The following CTDSPL variants were observed in gnomAD, a reference collection of about 807,000 sequenced individuals.
CTDSPL encodes CTD small phosphatase like.
In CTDSPL, 8 loss-of-function variants were observed where a neutral mutation model predicts 30.5. The observed-to-expected ratio is 0.26, with a 90% CI of 0.15 to 0.47. The LOEUF (loss-of-function observed/expected upper bound fraction) is 0.47, where lower values mean the gene tolerates loss of function less well. CTDSPL is among the 20% of genes least tolerant of loss of function. CTDSPL has a pLI of 0.99. For missense variants in CTDSPL, 248 were observed against 366.1 expected, an observed-to-expected ratio of 0.68 and a Z score of 2.63; for synonymous variants, 110 against 137.9, an observed-to-expected ratio of 0.80 and a Z score of 1.42.
At chr3:37,964,747 AG>A (rs1189733185) in intron 4 of CTDSPL, 75 bp downstream of exon 4, 10 of 1,183,500 alleles carry the variant, frequency 8.4e-6, no homozygotes, top group Non-Finnish European at 1.1e-5. Flanking sequence ...GAAAACAAAA[AG>A]GATGAAAGCT....
In CTDSPL at chr3:37,964,684, TAAAA is replaced by T. The variant is rs372561370; in HGVS notation, c.369+19_369+22del. The T allele has an allele frequency of 6.8e-7, 1 of 1,467,772 alleles. No homozygotes were observed. The highest frequency in any genetic ancestry group is 1.4e-5 in the African/African-American group (1 of 69,972). The allele number at this position is 1,467,772 out of a possible 1,614,324, so 90.9% of individuals were successfully genotyped here. The stretch of plus-strand genomic sequence containing the variant: ...ACAGTTCGTTTAAGGTAAATCAACA[TAAAA>T]AAAAAATCCATGATCTTTGTGATTT... On this transcript the variant is annotated intron_variant, in intron 4 of 7. Transcript: ENST00000273179.
At chr3:37,938,802 T>TCCA (rs1383796005) in intron 1 of CTDSPL, among the ~76,000 whole-genome samples, 1 of 149,256 alleles carries the variant, frequency 6.7e-6, no homozygotes, top group East Asian at 2.0e-4. Context: ...TCCCTCAGCC[T>TCCA]CCCGAGTAGC....
intron 1 of CTDSPL, among the ~76,000 whole-genome samples, chr3:37,932,086 A>C (rs967731300): frequency 2.0e-5 from 3 of 152,070 alleles, no homozygotes; most frequent in African/African-American, 4.8e-5. Context: ...AATGGAATGG[A>C]AGAGAACAGG....
intron 3 of CTDSPL, among the ~76,000 whole-genome samples, chr3:37,961,111 G>A (rs1699240227): frequency 1.3e-5 from 2 of 152,170 alleles, no homozygotes; most frequent in African/African-American, 4.8e-5. Context: ...GTATGTTGGT[G>A]TAAGGCATGA....
chr3:37,874,841 G>C (rs1199026834), intron 1 of CTDSPL, among the ~76,000 whole-genome samples: 1 of 152,092 alleles, frequency 6.6e-6, no homozygotes, highest in Non-Finnish European at 1.5e-5. Context: ...GCAGCATCTA[G>C]CTATTGAAAA....
chr3:37,960,731 C>A (rs10222584), intron 3 of CTDSPL, among the ~76,000 whole-genome samples: 31,714 of 150,788 alleles, frequency 0.21, 5,001 homozygotes, highest in African/African-American at 0.45. Context: ...CCCTGTCTCA[C>A]AAACAAAACA....
In CTDSPL at chr3:37,967,875, T is replaced by C. The variant is rs771961447; in HGVS notation, c.419T>C (p.Ile140Thr). 6.3e-6 allele frequency: 10 copies of C among 1,597,250 alleles called. No homozygotes were observed. In the South Asian group the frequency reaches 9.3e-5, roughly 15 times the overall value. The change falls in exon 5 of 8, where the codon ATA becomes ACA. Residue 140 changes from isoleucine to threonine, a missense_variant. Physicochemically the swap from Ile to Thr is moderately conservative, Grantham distance 89. Transcript: ENST00000273179. ...GTTCCGGTTGAAATCGATGGAACTA[T>C]ACATCAGGTAAGAAACTGAAGCTAA... ...FIVPVEIDGTIHQVYVLKRPH... is the reference protein window; with the variant it reads ...FIVPVEIDGTTHQVYVLKRPH...
intron 5 of CTDSPL, among the ~76,000 whole-genome samples, chr3:37,969,832 A>G (rs904268763): frequency 3.3e-5 from 5 of 152,132 alleles, no homozygotes; most frequent in Non-Finnish European, 7.4e-5. Context: ...TCAGTCACCC[A>G]TGAATTTCCC....
chr3:37,933,570 T>C (rs879943695), intron 1 of CTDSPL, among the ~76,000 whole-genome samples: 3 of 152,240 alleles, frequency 2.0e-5, no homozygotes, highest in Non-Finnish European at 4.4e-5. Context: ...GTGCAGAGAT[T>C]GAGAGCACAG....
rs1235223184 is a variant in CTDSPL, at chr3:37,888,469, A to G, written c.79+26191A>G. ...TAGTGGTGCCATTCTCCAAATTCCA[A>G]GTACAGGAGAGCCCTAGAAGGGTGT... On this transcript the variant is annotated intron_variant, in intron 1 of 7. Coordinates refer to ENST00000273179, the MANE Select transcript of CTDSPL (RefSeq NM_001008392.2). Among the ~76,000 whole-genome samples, 3 of 152,132 alleles carry G rather than the reference A, an allele frequency of 2.0e-5. 1 individual carries two copies. The highest frequency in any genetic ancestry group is 2.9e-5 in the Non-Finnish European group (2 of 68,018).
chr3:37,967,713 A>C (rs1049197712), intron 4 of CTDSPL, 113 bp from the exon 5 acceptor site: 1 of 682,130 alleles, frequency 1.5e-6, no homozygotes, highest in East Asian at 2.9e-5. Flanking sequence ...CTCCTCCTGA[A>C]CTGTTTTTTC....
At chr3:37,874,581 T>G (rs1419426901) in intron 1 of CTDSPL, among the ~76,000 whole-genome samples, 3 of 152,022 alleles carry the variant, frequency 2.0e-5, no homozygotes, top group Non-Finnish European at 4.4e-5. Context: ...AATACAAAAA[T>G]GAGCTGGGCG....
intron 1 of CTDSPL, among the ~76,000 whole-genome samples, chr3:37,918,222 G>A (rs568608764): frequency 1.3e-5 from 2 of 152,134 alleles, no homozygotes; most frequent in South Asian, 4.2e-4. Flanking sequence ...CTGATATTGT[G>A]CAGGTCACTT....
intron 6 of CTDSPL, among the ~76,000 whole-genome samples, chr3:37,972,470 C>T (rs765365181): frequency 6.6e-6 from 1 of 152,066 alleles, no homozygotes; most frequent in African/African-American, 2.4e-5. Context: ...CCACCCTGGG[C>T]GACAGTGACT....
intron 1 of CTDSPL, among the ~76,000 whole-genome samples, chr3:37,872,401 T>G (rs1468634382): frequency 6.6e-6 from 1 of 152,014 alleles, no homozygotes; most frequent in Non-Finnish European, 1.5e-5. Flanking sequence ...CTGGACATTT[T>G]TGTATTATGT....
chr3:37,956,655 C>T (rs1699176754), intron 2 of CTDSPL, among the ~76,000 whole-genome samples: 1 of 152,140 alleles, frequency 6.6e-6, no homozygotes, highest in Admixed American at 6.5e-5. Flanking sequence ...TGGGGAGCTC[C>T]TGGAATGACC....
At chr3:37,940,638 A>G (rs1698967698) in intron 1 of CTDSPL, among the ~76,000 whole-genome samples, 1 of 150,482 alleles carries the variant, frequency 6.6e-6, no homozygotes, top group African/African-American at 2.4e-5. Context: ...GGCTTGCATG[A>G]ATCCTTGCAG....
chr3:37,895,968 T>C (rs1216692361), intron 1 of CTDSPL, among the ~76,000 whole-genome samples: 1 of 152,180 alleles, frequency 6.6e-6, no homozygotes, highest in Non-Finnish European at 1.5e-5. Flanking sequence ...GAAGTAAAAT[T>C]GTACTTTTTG....
intron 5 of CTDSPL, among the ~76,000 whole-genome samples, chr3:37,970,627 T>C (rs992564451): frequency 6.6e-6 from 1 of 152,156 alleles, no homozygotes; most frequent in Non-Finnish European, 1.5e-5. Flanking sequence ...GGCTCCCTAA[T>C]CAAGAACCTA....
Sources: gnomAD v4.1 joint callset for allele counts (sites outside exome capture counted in the v4.1 genomes callset) on GRCh38, gnomAD v4.1.1 for gene constraint, MANE v1.5 for transcripts, NCBI Gene and HGNC (gene_info 2026-07-23, HGNC 2026-07-21) for gene names.